Variants in TBC1D22A observed in about 807,000 individuals in gnomAD.
TBC1D22A encodes the protein TBC1 domain family member 22A, also known as putative GTPase activator.
Under a neutral mutation model 60.2 loss-of-function variants are expected in TBC1D22A, and 38 were observed. The observed-to-expected ratio is 0.63, with a 90% CI of 0.49 to 0.83. The LOEUF is 0.83. Among genes scored for constraint, TBC1D22A ranks in the 40% least tolerant of loss-of-function variants. The pLI, the probability that TBC1D22A is intolerant of heterozygous loss-of-function variation, is 0.00. For missense variants in TBC1D22A, 628 were observed against 701.0 expected (o/e 0.90, Z 1.18); for synonymous variants, 302 against 281.7 (o/e 1.07, Z -0.72).
At chr22:47,011,324 C>G (rs1892917954) in intron 10 of TBC1D22A, among the ~76,000 whole-genome samples, 1 of 152,226 alleles carries the variant, frequency 6.6e-6, no homozygotes, top group Non-Finnish European at 1.5e-5. Flanking sequence ...TCTACCTCCA[C>G]TCCCCGCGCT....
At chr22:47,161,090 C>T (rs1601721740) in intron 12 of TBC1D22A, among the ~76,000 whole-genome samples, 1 of 152,352 alleles carries the variant, frequency 6.6e-6, no homozygotes, top group East Asian at 1.9e-4. Context: ...CTGGGGACAC[C>T]AGGTGACCAT....
At chr22:46,874,294 A>G (rs1448100127) in intron 4 of TBC1D22A, among the ~76,000 whole-genome samples, 2 of 152,134 alleles carry the variant, frequency 1.3e-5, no homozygotes, top group African/African-American at 2.4e-5. Context: ...TTTTGGGTAT[A>G]TACCCAGTAA....
intron 11 of TBC1D22A, among the ~76,000 whole-genome samples, chr22:47,102,754 G>C (rs1296760738): frequency 1.3e-5 from 2 of 152,104 alleles, no homozygotes; most frequent in Non-Finnish European, 2.9e-5. Flanking sequence ...CTAATTCAGA[G>C]TAGGATTGGG....
intron 8 of TBC1D22A, among the ~76,000 whole-genome samples, chr22:46,962,383 G>A (rs772532262): frequency 3.3e-5 from 5 of 152,242 alleles, no homozygotes; most frequent in Non-Finnish European, 7.3e-5. Context: ...GATTGGTGAG[G>A]TGGATGATCT....
chr22:46,889,464 A>G (rs2068280938), intron 5 of TBC1D22A, among the ~76,000 whole-genome samples: 1 of 152,242 alleles, frequency 6.6e-6, no homozygotes, highest in South Asian at 2.1e-4. Flanking sequence ...GTGACATCTT[A>G]GAAAACTAAG....
chr22:46,774,052 G>A (rs948144248), intron 1 of TBC1D22A: 9 of 985,470 alleles, frequency 9.1e-6, no homozygotes, highest in Non-Finnish European at 1.1e-5. Context: ...TCCTGCTGTG[G>A]GCTGGCTTGG....
intron 12 of TBC1D22A, among the ~76,000 whole-genome samples, chr22:47,140,053 G>T (rs1290131258): frequency 2.6e-5 from 4 of 152,196 alleles, no homozygotes; most frequent in African/African-American, 9.6e-5. Context: ...TGTGTAGCTA[G>T]GAGCACTGGT....
chr22:47,083,112 G>A (rs1194231746), intron 11 of TBC1D22A, among the ~76,000 whole-genome samples: 2 of 152,124 alleles, frequency 1.3e-5, no homozygotes, highest in African/African-American at 2.4e-5. Context: ...TAGAACTGAC[G>A]AAAACTAATC....
chr22:46,842,753 C>T (rs545880564), intron 4 of TBC1D22A, among the ~76,000 whole-genome samples: 32 of 152,348 alleles, frequency 2.1e-4, no homozygotes, highest in African/African-American at 7.2e-4. Context: ...TGTGTAGCCA[C>T]GCCCAGCGGG....
At chr22:47,041,356 A>G (rs1364087885) in intron 11 of TBC1D22A, among the ~76,000 whole-genome samples, 1 of 151,984 alleles carries the variant, frequency 6.6e-6, no homozygotes, top group Non-Finnish European at 1.5e-5. Flanking sequence ...TTCCTCTACC[A>G]TTTGCTTCCT....
chr22:47,089,326 C>G (rs1299058513), intron 11 of TBC1D22A, among the ~76,000 whole-genome samples: 2 of 152,206 alleles, frequency 1.3e-5, no homozygotes, highest in African/African-American at 4.8e-5. Context: ...TTAGAATAAC[C>G]TAGCAGCATG....
chr22:46,773,599 G>A (rs2083579345), intron 1 of TBC1D22A, among the ~76,000 whole-genome samples: 1 of 152,182 alleles, frequency 6.6e-6, no homozygotes, highest in Non-Finnish European at 1.5e-5. Context: ...CCAGTAGCTG[G>A]GGCTACAGGC....
intron 12 of TBC1D22A, among the ~76,000 whole-genome samples, chr22:47,146,183 C>T (rs1019657853): frequency 1.3e-5 from 2 of 149,766 alleles, no homozygotes; most frequent in South Asian, 2.1e-4. Context: ...GGCGCGGGGA[C>T]GCACTGGATT....
At chr22:46,776,083 C>T (rs1376960971) in intron 1 of TBC1D22A, among the ~76,000 whole-genome samples, 1 of 152,314 alleles carries the variant, frequency 6.6e-6, no homozygotes, top group East Asian at 1.9e-4. Context: ...AAGCGGGCCA[C>T]GGAGGGGCCA....
chr22:46,774,438 AAT>A (rs1245028799), intron 1 of TBC1D22A, among the ~76,000 whole-genome samples: 1 of 152,196 alleles, frequency 6.6e-6, no homozygotes, highest in Non-Finnish European at 1.5e-5. Context: ...TAAACATGGA[AAT>A]TCCACCCCGA....
chr22:46,828,035 G>C (rs2086145918), intron 4 of TBC1D22A, among the ~76,000 whole-genome samples: 1 of 152,186 alleles, frequency 6.6e-6, no homozygotes, highest in Non-Finnish European at 1.5e-5. Flanking sequence ...ATTATTCCCA[G>C]GACTTTCACG....
chr22:47,027,569 G>A (rs1488852151), intron 10 of TBC1D22A, among the ~76,000 whole-genome samples: 1 of 152,078 alleles, frequency 6.6e-6, no homozygotes, highest in East Asian at 1.9e-4. Context: ...GTTGGGGTGG[G>A]AGACTAGTCT....
intron 11 of TBC1D22A, among the ~76,000 whole-genome samples, chr22:47,076,388 C>T (rs796397291): frequency 0.092 from 7,398 of 80,150 alleles, 320 homozygotes; most frequent in East Asian, 0.21. Context: ...TATACACACA[C>T]ACACACACAC....
chr22:47,085,817 A>G (rs2064659053), intron 11 of TBC1D22A, among the ~76,000 whole-genome samples: 1 of 152,228 alleles, frequency 6.6e-6, no homozygotes, highest in African/African-American at 2.4e-5. Context: ...GGTCAAATTA[A>G]TATTTGTTCA....
Sources: allele counts gnomAD v4.1 joint callset (sites outside exome capture counted in the v4.1 genomes callset), GRCh38; gene constraint gnomAD v4.1.1; transcripts MANE v1.5; gene names NCBI Gene and HGNC (gene_info 2026-07-23, HGNC 2026-07-21).